HORMAD2: variants seen among roughly 807,000 people sequenced by gnomAD.
HORMAD2 encodes the protein HORMA domain-containing protein 2.
Under a neutral mutation model 38.8 loss-of-function variants are expected in HORMAD2, and 45 were observed. The ratio of observed to expected loss-of-function variants is 1.16; its 90% CI spans 0.91 to 1.49. The LOEUF is 1.49. Ranked by LOEUF, HORMAD2 falls within the 40% of genes most tolerant of loss-of-function variation. The pLI is 0.00. For missense variants in HORMAD2, 338 were observed against 367.0 expected (o/e 0.92, Z 0.65); for synonymous variants, 126 against 122.8 (o/e 1.03, Z -0.17).
chr22:30,104,525 G>GT, intron 5 of HORMAD2, 88 bp downstream of exon 5: 1 of 1,140,346 alleles, frequency 8.8e-7, no homozygotes, highest in Non-Finnish European at 1.3e-6. Context: ...TTGTTTTTGT[G>GT]TTTAACAGTA....
At chr22:30,095,517 C>T (rs1601509647) in intron 2 of HORMAD2, among the ~76,000 whole-genome samples, 1 of 152,158 alleles carries the variant, frequency 6.6e-6, no homozygotes, top group East Asian at 1.9e-4. Flanking sequence ...ACTTTATCTG[C>T]ACTCCGCCTT....
chr22:30,078,487 C>A (rs1032943006), upstream of HORMAD2, among the ~76,000 whole-genome samples: 2 of 151,100 alleles, frequency 1.3e-5, no homozygotes, highest in East Asian at 2.0e-4. Context: ...ATGCCTGTAA[C>A]CCCAGCTACT....
chr22:30,171,858 G>A (rs1258355195), intron 10 of HORMAD2, among the ~76,000 whole-genome samples: 1 of 152,048 alleles, frequency 6.6e-6, no homozygotes, highest in African/African-American at 2.4e-5. Flanking sequence ...AAAAAGGGAA[G>A]GCAATGGAGG....
intron 1 of HORMAD2, among the ~76,000 whole-genome samples, chr22:30,083,515 G>A (rs1310193430): frequency 6.6e-6 from 1 of 152,190 alleles, no homozygotes; most frequent in Admixed American, 6.5e-5. Context: ...GAACTTGTGA[G>A]CTTTTAAAAT....
rs201254595 is a variant in HORMAD2 at position 30,112,366 on chromosome 22, C to G, written c.316-130C>G. The G allele has an allele frequency of 8.4e-6, 5 of 597,970 alleles. No homozygotes were observed. The South Asian group carries it at 1.0e-4, about 12-fold the overall frequency. The allele number at this position is 597,970 out of a possible 1,614,324, so 37.0% of individuals were successfully genotyped here. The stretch of plus-strand genomic sequence containing the variant: ...CATTCACAAAATAAGCATATCCTAT[C>G]TCTAGCTTAAAATATATGTCTGTAC... On this transcript the variant is annotated intron_variant, in intron 6 of 10. Coordinates refer to ENST00000336726, the MANE Select transcript of HORMAD2 (RefSeq NM_152510.4).
At chr22:30,157,462 A>G (rs1414796306) in intron 10 of HORMAD2, among the ~76,000 whole-genome samples, 1 of 149,534 alleles carries the variant, frequency 6.7e-6, no homozygotes, top group African/African-American at 2.5e-5. Context: ...TTTTTTTTTA[A>G]CAGTGATGGA....
At chr22:30,189,741 T>A in the HORMAD2 span, among the ~76,000 whole-genome samples, 3 of 152,106 alleles carry the variant, frequency 2.0e-5, no homozygotes, top group Non-Finnish European at 4.4e-5. Flanking sequence ...GACATACTGA[T>A]CAGTTAGCTT....
the HORMAD2 span, chr22:30,207,314 C>A: frequency 3.7e-6 from 1 of 268,012 alleles, no homozygotes. Flanking sequence ...GTCCGCATTC[C>A]AGGCCCAGAC....
the HORMAD2 span, among the ~76,000 whole-genome samples, chr22:30,197,663 T>A: frequency 6.6e-6 from 1 of 152,266 alleles, no homozygotes; most frequent in Middle Eastern, 3.4e-3. Context: ...GGACAACAAC[T>A]AGGGAAATGA....
chr22:30,099,072 C>T (rs2146083383), intron 3 of HORMAD2, 79 bp downstream of exon 3: 1 of 1,283,224 alleles, frequency 7.8e-7, no homozygotes, highest in East Asian at 2.5e-5. Flanking sequence ...TCACGTCTCA[C>T]AAAGTGTGCT....
At chr22:30,204,539 T>G in the HORMAD2 span, among the ~76,000 whole-genome samples, 1 of 152,122 alleles carries the variant, frequency 6.6e-6, no homozygotes, top group African/African-American at 2.4e-5. Context: ...GGGTGGGAAC[T>G]AATGAAATCC....
intron 3 of HORMAD2, among the ~76,000 whole-genome samples, chr22:30,100,978 G>A (rs1920939364): frequency 6.6e-6 from 1 of 152,228 alleles, no homozygotes; most frequent in South Asian, 2.1e-4. Flanking sequence ...CTTTTACACT[G>A]TTGGTGGGAG....
At chr22:30,115,470 C>T (rs565502411) in intron 7 of HORMAD2, among the ~76,000 whole-genome samples, 1 of 152,164 alleles carries the variant, frequency 6.6e-6, no homozygotes, top group South Asian at 2.1e-4. Flanking sequence ...TTTCTAGCCA[C>T]AATATACTTT....
Position 30,176,121 on chromosome 22 carries a change from G to A in HORMAD2, c.878G>A (p.Arg293Lys). Reference sequence around the variant, plus strand: ...AGTTCTGAGTGCTCCAGGAAGAAGAGGAAGGTCAGTGAACCAGTGAAGGTC... The same window carrying A: ...AGTTCTGAGTGCTCCAGGAAGAAGAAGAAGGTCAGTGAACCAGTGAAGGTC... ...QQSSECSRKK[R>K]KVSEPVKVFI... The change falls in exon 11 of 11, where the codon AGG becomes AAG. Residue 293 changes from arginine to lysine, a missense_variant. By Grantham distance (26) the Arg-to-Lys change is conservative. Coordinates refer to ENST00000336726, the MANE Select transcript of HORMAD2 (RefSeq NM_152510.4). 6.2e-7 allele frequency: 1 copy of A among 1,613,198 alleles called. No individual in the cohort carries two copies. The highest frequency in any genetic ancestry group is 1.3e-5 in the African/African-American group (1 of 74,998).
chr22:30,080,295 T>C (rs550512257), upstream of HORMAD2: 20 of 152,518 alleles, frequency 1.3e-4, no homozygotes, highest in South Asian at 3.7e-3. Flanking sequence ...TAGCCGCCGT[T>C]CGCCCCTGCT....
In HORMAD2 at chr22:30,146,539, G is replaced by A. The variant is rs1924430995; in HGVS notation, c.819+24325G>A. 2.0e-5 allele frequency among the ~76,000 whole-genome samples: 3 copies of A among 151,984 alleles called. No homozygotes were observed. In the South Asian group the frequency reaches 6.2e-4, roughly 32 times the overall value. On this transcript the variant is annotated intron_variant, in intron 10 of 10. Coordinates refer to ENST00000336726, the MANE Select transcript of HORMAD2 (RefSeq NM_152510.4). Reference sequence around the variant, plus strand: ...AAAATGAAAACTTCAGGAAAACAAGGAGTATAAAGGAACTTCCTTGACTGT... The same window carrying A: ...AAAATGAAAACTTCAGGAAAACAAGAAGTATAAAGGAACTTCCTTGACTGT...
chr22:30,205,845 G>A, the HORMAD2 span, among the ~76,000 whole-genome samples: 13 of 152,028 alleles, frequency 8.6e-5, no homozygotes, highest in Admixed American at 1.3e-4. Flanking sequence ...GAGGCTCAGC[G>A]CTGCCCCACT....
At chr22:30,199,395 TA>T in the HORMAD2 span, among the ~76,000 whole-genome samples, 1 of 152,264 alleles carries the variant, frequency 6.6e-6, no homozygotes, top group East Asian at 1.9e-4. Flanking sequence ...TCTCTCTGGG[TA>T]GAAATGACGT....
chr22:30,080,555 CTT>C (rs1202824131), intron 1 of HORMAD2, 64 bp downstream of exon 1: 1 of 152,208 alleles, frequency 6.6e-6, no homozygotes, highest in Non-Finnish European at 1.5e-5. Flanking sequence ...TTAGTTCTGT[CTT>C]TATGTCAAAA....
Sources: gnomAD v4.1 joint callset for allele counts (sites outside exome capture counted in the v4.1 genomes callset) on GRCh38, gnomAD v4.1.1 for gene constraint, MANE v1.5 for transcripts, NCBI Gene and HGNC (gene_info 2026-07-23, HGNC 2026-07-21) for gene names.